CD226: variants seen among roughly 807,000 people sequenced by gnomAD.
The protein encoded by CD226 is CD226 molecule.
In CD226, 24 loss-of-function variants were observed where a neutral mutation model predicts 34.9. The ratio of observed to expected loss-of-function variants is 0.69; its 90% CI spans 0.50 to 0.97. CD226 has a LOEUF of 0.97. Ranked by LOEUF, CD226 falls within the 50% of genes least tolerant of loss-of-function variation. The pLI, the probability that CD226 is intolerant of heterozygous loss-of-function variation, is 0.00. For missense variants in CD226, 397 were observed against 412.7 expected, an observed-to-expected ratio of 0.96 and a Z score of 0.33; for synonymous variants, 148 against 147.4, an observed-to-expected ratio of 1.00 and a Z score of -0.03.
chr18:69,891,687 C>G (rs1037258498), intron 3 of CD226, among the ~76,000 whole-genome samples: 3 of 152,128 alleles, frequency 2.0e-5, no homozygotes, highest in African/African-American at 7.2e-5. Context: ...GGTTTCTGTA[C>G]ACAAACAGCA....
upstream of CD226, among the ~76,000 whole-genome samples, chr18:69,951,032 A>T (rs992180845): frequency 9.6e-5 from 14 of 146,556 alleles, no homozygotes; most frequent in African/African-American, 3.4e-4. Flanking sequence ...GGGACGTGCT[A>T]TGTTGTCCAG....
chr18:69,934,521 G>A (rs150483613), intron 2 of CD226, among the ~76,000 whole-genome samples: 7 of 152,196 alleles, frequency 4.6e-5, no homozygotes, highest in East Asian at 1.9e-4. Context: ...GTTTGGCCAC[G>A]GTCACCACTG....
At chr18:69,869,226 C>A (rs547375807) in intron 4 of CD226, among the ~76,000 whole-genome samples, 1 of 152,260 alleles carries the variant, frequency 6.6e-6, no homozygotes, top group East Asian at 1.9e-4. Context: ...CAGCACTATT[C>A]ATGATAGCAA....
chr18:69,872,846 C>A (rs1437722258), intron 4 of CD226, among the ~76,000 whole-genome samples: 1 of 152,190 alleles, frequency 6.6e-6, no homozygotes, highest in Non-Finnish European at 1.5e-5. Flanking sequence ...GTCATACACG[C>A]ACACACACCA....
intron 2 of CD226, among the ~76,000 whole-genome samples, chr18:69,904,622 A>C (rs2055229201): frequency 1.3e-5 from 2 of 152,256 alleles, no homozygotes; most frequent in South Asian, 4.1e-4. Flanking sequence ...CAGTATCATA[A>C]GATTTGCTGA....
At chr18:69,959,253 C>T (rs567605006), upstream of CD226, among the ~76,000 whole-genome samples, 14 of 152,162 alleles carry the variant, frequency 9.2e-5, no homozygotes, top group Non-Finnish European at 1.9e-4. Context: ...ATGTTCTAAC[C>T]AGCAGAACAA....
intron 1 of CD226, among the ~76,000 whole-genome samples, chr18:69,954,953 T>A (rs2055884143): frequency 1.3e-5 from 2 of 152,272 alleles, no homozygotes; most frequent in Non-Finnish European, 2.9e-5. Flanking sequence ...GGCTTGAGGT[T>A]TTTTTTCTAA....
rs201099264 is a variant in CD226, at chr18:69,860,080, T to C, written c.*4234A>G. ...AAAGTGAAACTCCGTCTCAAAAAAA[T>C]AATAATAAAATAAAATACAAAGAAC... is the stretch of plus-strand genomic sequence containing the variant. On this transcript the variant is annotated 3_prime_UTR_variant, in exon 6 of 6. Transcript: ENST00000582621. 7.5e-5 allele frequency: 11 copies of C among 145,756 alleles called. No individual in the cohort carries two copies. Among genetic ancestry groups the C allele is most frequent in the Middle Eastern group, 3.5e-3 (1 of 288 alleles). 9.0% of individuals were successfully genotyped at this position (145,756 alleles called of 1,614,324 possible).
At chr18:69,902,610 C>T (rs1163611186) in intron 2 of CD226, among the ~76,000 whole-genome samples, 4 of 151,534 alleles carry the variant, frequency 2.6e-5, no homozygotes, top group Non-Finnish European at 5.9e-5. Flanking sequence ...CTGCCCTTCC[C>T]TGTCTACTCA....
chr18:69,881,085 G>T (rs1199208699), intron 3 of CD226, among the ~76,000 whole-genome samples: 1 of 152,178 alleles, frequency 6.6e-6, no homozygotes, highest in African/African-American at 2.4e-5. Context: ...TAATTGGCTT[G>T]ATTTAATCAC....
chr18:69,924,323 A>G (rs980043460), intron 2 of CD226, among the ~76,000 whole-genome samples: 2 of 152,204 alleles, frequency 1.3e-5, no homozygotes, highest in African/African-American at 2.4e-5. Flanking sequence ...ATATATGGAA[A>G]TTTATATTGC....
upstream of CD226, among the ~76,000 whole-genome samples, chr18:69,951,602 T>C (rs73466716): frequency 0.029 from 4,376 of 152,048 alleles, 98 homozygotes; most frequent in African/African-American, 0.062. Context: ...ACATATTACA[T>C]AGAATTGCAA....
rs543647663 is a variant in CD226, at chr18:69,869,142, C to T, written c.831-1731G>A. Among the ~76,000 whole-genome samples the T allele has an allele frequency of 1.4e-4, 22 of 152,242 alleles. No individual in the cohort carries two copies. The South Asian group carries it at 4.2e-3, about 29-fold the overall frequency. On this transcript the variant is annotated intron_variant, in intron 4 of 5. Transcript: ENST00000582621. ...ACAGAAATACCATTTGACCCAGCAG[C>T]GCCATTACTGGGTATATGCCCAAAG...
intron 2 of CD226, among the ~76,000 whole-genome samples, chr18:69,899,792 G>T (rs745985657): frequency 4.5e-4 from 69 of 152,302 alleles, no homozygotes; most frequent in Non-Finnish European, 7.2e-4. Flanking sequence ...ATGCTGGTGA[G>T]GTTGCAGAGA....
At chr18:69,948,961 C>G (rs555227761), upstream of CD226, among the ~76,000 whole-genome samples, 1 of 152,064 alleles carries the variant, frequency 6.6e-6, no homozygotes, top group Non-Finnish European at 1.5e-5. Flanking sequence ...CCAGAGAGAA[C>G]AAATCATTCT....
chr18:69,915,987 C>A (rs965684679), intron 2 of CD226, among the ~76,000 whole-genome samples: 2 of 152,116 alleles, frequency 1.3e-5, no homozygotes, highest in African/African-American at 4.8e-5. Context: ...TGCAGTTGTG[C>A]TATTTCATTT....
At chr18:69,910,025 CAT>C (rs1346234669) in intron 2 of CD226, among the ~76,000 whole-genome samples, 37 of 152,320 alleles carry the variant, frequency 2.4e-4, no homozygotes, top group Admixed American at 2.3e-3. Context: ...ACAGTTAGAA[CAT>C]GTGTGTGCTC....
At chr18:69,866,725 T>A (rs1788229) in intron 5 of CD226, among the ~76,000 whole-genome samples, 1 of 151,866 alleles carries the variant, frequency 6.6e-6, no homozygotes, top group Non-Finnish European at 1.5e-5. Context: ...TGACCTCATT[T>A]GAAAATAGGA....
At chr18:69,899,970 C>T (rs774782153) in intron 2 of CD226, among the ~76,000 whole-genome samples, 7 of 152,180 alleles carry the variant, frequency 4.6e-5, no homozygotes, top group Non-Finnish European at 8.8e-5. Context: ...TATAAAGACA[C>T]ATATGTACAT....
Sources: allele counts gnomAD v4.1 joint callset (sites outside exome capture counted in the v4.1 genomes callset), GRCh38; gene constraint gnomAD v4.1.1; transcripts MANE v1.5; gene names NCBI Gene and HGNC (gene_info 2026-07-23, HGNC 2026-07-21).